FSTL5: variants seen among roughly 807,000 people sequenced by gnomAD.
FSTL5 encodes the protein follistatin like 5, also known as follistatin-related protein 5.
In FSTL5, 62 loss-of-function variants were observed where a neutral mutation model predicts 89.1. The ratio of observed to expected loss-of-function variants is 0.70; its 90% CI spans 0.57 to 0.86. The LOEUF is 0.86. FSTL5 is among the 40% of genes least tolerant of loss of function. The probability of loss-of-function intolerance (pLI) is 0.00; values close to 1 mark genes in which losing one functional copy is unlikely to be tolerated. For synonymous variants in FSTL5, 383 were observed against 346.2 expected, an observed-to-expected ratio of 1.11 and a Z score of -1.18; for missense variants, 1,057 against 1,001.6, an observed-to-expected ratio of 1.06 and a Z score of -0.75.
chr4:161,712,832 C>T (rs1234376585), intron 6 of FSTL5, among the ~76,000 whole-genome samples: 3 of 151,892 alleles, frequency 2.0e-5, no homozygotes, highest in African/African-American at 4.8e-5. Flanking sequence ...GGGCTTGACC[C>T]CTCACCCCCC....
At chr4:162,072,987 C>CT (rs1163295689) in intron 2 of FSTL5, among the ~76,000 whole-genome samples, 2 of 151,742 alleles carry the variant, frequency 1.3e-5, no homozygotes, top group African/African-American at 4.8e-5. Flanking sequence ...AACTGAGGCA[C>CT]TGACTCTTCT....
At chr4:161,642,571 G>T (rs1281650773) in intron 7 of FSTL5, among the ~76,000 whole-genome samples, 1 of 152,020 alleles carries the variant, frequency 6.6e-6, no homozygotes, top group Non-Finnish European at 1.5e-5. Flanking sequence ...ATTTAAAAAG[G>T]TTACGATATA....
chr4:162,087,005 T>C (rs76067581), intron 2 of FSTL5, among the ~76,000 whole-genome samples: 14,074 of 152,040 alleles, frequency 0.093, 779 homozygotes, highest in Non-Finnish European at 0.12. Flanking sequence ...GTTTTATTTA[T>C]AGCCACAAAT....
rs116633005 is a variant in FSTL5, at chr4:161,933,886, A to G, written c.161-13234T>C. Among the ~76,000 whole-genome samples the G allele has an allele frequency of 2.6e-3, 401 of 152,182 alleles. 2 individuals carry two copies. The highest frequency in any genetic ancestry group is 9.4e-3 in the African/African-American group (390 of 41,556). On this transcript the variant is annotated intron_variant, in intron 3 of 15. Coordinates refer to ENST00000306100, the MANE Select transcript of FSTL5 (RefSeq NM_020116.5). ...TATGTTTGCTTACATTGAAAACAGC[A>G]CTGAAATCACTTTTTCTACGTAGTT...
chr4:162,027,189 A>C (rs980900535), intron 3 of FSTL5, among the ~76,000 whole-genome samples: 6 of 152,170 alleles, frequency 3.9e-5, no homozygotes, highest in Non-Finnish European at 7.3e-5. Context: ...CATCAGGATC[A>C]TTTTAAATTG....
chr4:162,093,225 C>T (rs556276866), intron 2 of FSTL5, among the ~76,000 whole-genome samples: 3 of 152,222 alleles, frequency 2.0e-5, no homozygotes, highest in South Asian at 4.2e-4. Flanking sequence ...CACTGAAATA[C>T]AGCAGTGCTC....
At chr4:161,460,010 T>C (rs1733503415) in intron 13 of FSTL5, among the ~76,000 whole-genome samples, 1 of 151,604 alleles carries the variant, frequency 6.6e-6, no homozygotes, top group Non-Finnish European at 1.5e-5. Flanking sequence ...GAAAACAAAG[T>C]GATGCCAGGA....
intron 13 of FSTL5, among the ~76,000 whole-genome samples, chr4:161,464,623 G>A (rs144617180): frequency 6.6e-6 from 1 of 152,128 alleles, no homozygotes; most frequent in Admixed American, 6.6e-5. Context: ...TTTTGTGTTT[G>A]TTTAGGTCAA....
At chr4:161,842,581 C>T (rs1218958885) in intron 4 of FSTL5, among the ~76,000 whole-genome samples, 1 of 151,998 alleles carries the variant, frequency 6.6e-6, no homozygotes, top group Non-Finnish European at 1.5e-5. Flanking sequence ...TTATATGTTA[C>T]TGTAATAATT....
At chr4:161,515,854 C>T (rs888520853) in intron 10 of FSTL5, among the ~76,000 whole-genome samples, 22 of 150,972 alleles carry the variant, frequency 1.5e-4, no homozygotes, top group African/African-American at 5.3e-4. Flanking sequence ...ATGACCATCC[C>T]ACTAAGTAGT....
At chr4:161,561,722 T>C (rs1732609168) in intron 8 of FSTL5, among the ~76,000 whole-genome samples, 2 of 152,038 alleles carry the variant, frequency 1.3e-5, no homozygotes. Context: ...TAGTAGCTTG[T>C]AAATGTCTCA....
chr4:162,071,000 AAG>A (rs1729596349), intron 2 of FSTL5, among the ~76,000 whole-genome samples: 1 of 151,738 alleles, frequency 6.6e-6, no homozygotes, highest in African/African-American at 2.4e-5. Flanking sequence ...ACAAATGAGA[AAG>A]AGAAAGGAAT....
At chr4:161,459,829 G>A (rs1373104390) in intron 13 of FSTL5, among the ~76,000 whole-genome samples, 3 of 151,988 alleles carry the variant, frequency 2.0e-5, no homozygotes, top group East Asian at 1.9e-4. Flanking sequence ...TAATTCTAAC[G>A]AATGATCAGC....
At chr4:161,542,465 C>T (rs559451713) in intron 9 of FSTL5, 67 bp downstream of exon 9, 10 of 1,052,790 alleles carry the variant, frequency 9.5e-6, no homozygotes, top group African/African-American at 3.3e-5. Flanking sequence ...TTCCAAAGAA[C>T]GTTATAAATT....
chr4:161,685,710 G>C (rs1334844420), intron 6 of FSTL5, among the ~76,000 whole-genome samples: 1 of 152,072 alleles, frequency 6.6e-6, no homozygotes, highest in East Asian at 1.9e-4. Flanking sequence ...AGCAAACAAA[G>C]ACCGTTTGAC....
intron 2 of FSTL5, among the ~76,000 whole-genome samples, chr4:162,106,499 T>TG (rs1169105095): frequency 6.6e-6 from 1 of 152,186 alleles, no homozygotes; most frequent in Admixed American, 6.5e-5. Context: ...TAGATACACG[T>TG]TAATATGCTG....
intron 6 of FSTL5, among the ~76,000 whole-genome samples, chr4:161,687,970 C>T (rs995799145): frequency 4.6e-5 from 7 of 152,202 alleles, no homozygotes; most frequent in African/African-American, 1.7e-4. Context: ...CATGTGTAGA[C>T]ACAGTAAGAA....
chr4:161,902,110 C>A (rs1365054755), intron 4 of FSTL5, among the ~76,000 whole-genome samples: 1 of 152,070 alleles, frequency 6.6e-6, no homozygotes, highest in East Asian at 1.9e-4. Context: ...AAAATACTTA[C>A]CAACTTTATA....
chr4:161,871,507 A>G (rs1732261493), intron 4 of FSTL5, among the ~76,000 whole-genome samples: 1 of 152,178 alleles, frequency 6.6e-6, no homozygotes, highest in African/African-American at 2.4e-5. Context: ...CAAACCAAAT[A>G]GGTACCTAGT....
Sources: gnomAD v4.1 joint callset for allele counts (sites outside exome capture counted in the v4.1 genomes callset) on GRCh38, gnomAD v4.1.1 for gene constraint, MANE v1.5 for transcripts, NCBI Gene and HGNC (gene_info 2026-07-23, HGNC 2026-07-21) for gene names.